The following NXPH2 variants were observed in gnomAD, a reference collection of about 807,000 sequenced individuals.
The protein encoded by NXPH2 is neurexophilin-2.
In NXPH2, 5 loss-of-function variants were observed where a neutral mutation model predicts 19.8. The observed-to-expected ratio is 0.25, with a 90% CI of 0.13 to 0.53. The LOEUF is 0.53. NXPH2 is among the 20% of genes least tolerant of loss of function. NXPH2 has a pLI of 0.96. For synonymous variants in NXPH2, 154 were observed against 127.4 expected, an observed-to-expected ratio of 1.21 and a Z score of -1.41; for missense variants, 289 against 322.8, an observed-to-expected ratio of 0.90 and a Z score of 0.80.
At chr2:138,718,009 C>T (rs1681217956) in intron 1 of NXPH2, among the ~76,000 whole-genome samples, 1 of 150,970 alleles carries the variant, frequency 6.6e-6, no homozygotes, top group African/African-American at 2.4e-5. Flanking sequence ...ACCAAAAATG[C>T]CATAAGAAAT....
chr2:138,778,462 A>G (rs1051095450), intron 1 of NXPH2, among the ~76,000 whole-genome samples: 2 of 152,192 alleles, frequency 1.3e-5, no homozygotes, highest in Non-Finnish European at 2.9e-5. Context: ...GTGGAAAAAA[A>G]AAATATCTAA....
chr2:138,774,085 A>C (rs1682220627), intron 1 of NXPH2, among the ~76,000 whole-genome samples: 1 of 152,218 alleles, frequency 6.6e-6, no homozygotes, highest in Non-Finnish European at 1.5e-5. Flanking sequence ...CACAAAAGTC[A>C]CTTGCTAGTT....
chr2:138,750,491 T>G (rs1397905256), intron 1 of NXPH2, among the ~76,000 whole-genome samples: 1 of 152,184 alleles, frequency 6.6e-6, no homozygotes, highest in East Asian at 1.9e-4. Context: ...TGTAGAGTTA[T>G]AAACATCATC....
intron 1 of NXPH2, among the ~76,000 whole-genome samples, chr2:138,719,971 T>C (rs1293309256): frequency 1.3e-5 from 2 of 152,168 alleles, no homozygotes; most frequent in East Asian, 3.9e-4. Context: ...TTTCAATATA[T>C]GGTACTACAT....
chr2:138,677,914 G>A (rs982010429), intron 1 of NXPH2, among the ~76,000 whole-genome samples: 1 of 152,080 alleles, frequency 6.6e-6, no homozygotes, highest in African/African-American at 2.4e-5. Flanking sequence ...ATCCCCTACC[G>A]TTAACATCTA....
At chr2:138,733,368 G>T (rs1464526778) in intron 1 of NXPH2, among the ~76,000 whole-genome samples, 1 of 152,192 alleles carries the variant, frequency 6.6e-6, no homozygotes, top group Non-Finnish European at 1.5e-5. Context: ...TTTAAACAGG[G>T]GCTGAATGAA....
chr2:138,776,272 G>T (rs566123571), intron 1 of NXPH2, among the ~76,000 whole-genome samples: 1 of 151,958 alleles, frequency 6.6e-6, no homozygotes, highest in South Asian at 2.1e-4. Flanking sequence ...GCCTTATTTA[G>T]CATTACAATT....
chr2:138,755,565 G>T (rs1160603720), intron 1 of NXPH2, among the ~76,000 whole-genome samples: 1 of 152,020 alleles, frequency 6.6e-6, no homozygotes, highest in Non-Finnish European at 1.5e-5. Context: ...ATACCATGGT[G>T]TATTGAATAC....
intron 1 of NXPH2, among the ~76,000 whole-genome samples, chr2:138,712,961 T>C (rs1573963313): frequency 1.3e-5 from 2 of 152,360 alleles, no homozygotes; most frequent in African/African-American, 4.8e-5. Flanking sequence ...TTCTCTCAGC[T>C]ATATCTAACA....
intron 1 of NXPH2, among the ~76,000 whole-genome samples, chr2:138,762,843 A>G (rs1682037271): frequency 6.6e-6 from 1 of 152,222 alleles, no homozygotes; most frequent in Non-Finnish European, 1.5e-5. Flanking sequence ...CTTGCTTAGT[A>G]TAATGAGAAG....
chr2:138,728,064 G>C (rs1681385490), intron 1 of NXPH2, among the ~76,000 whole-genome samples: 1 of 152,082 alleles, frequency 6.6e-6, no homozygotes, highest in South Asian at 2.1e-4. Flanking sequence ...TGAAGCCCTT[G>C]CCTTCAATGT....
intron 1 of NXPH2, among the ~76,000 whole-genome samples, chr2:138,729,426 C>A (rs1178398282): frequency 6.6e-6 from 1 of 152,172 alleles, no homozygotes; most frequent in African/African-American, 2.4e-5. Context: ...GAGGCCTCTC[C>A]AGCCTTATGA....
At chr2:138,738,853 C>A (rs569506648) in intron 1 of NXPH2, among the ~76,000 whole-genome samples, 1 of 152,328 alleles carries the variant, frequency 6.6e-6, no homozygotes, top group African/African-American at 2.4e-5. Flanking sequence ...TGATTGGGAA[C>A]TTTGTCTCTC....
intron 1 of NXPH2, among the ~76,000 whole-genome samples, chr2:138,689,542 G>A (rs1410509538): frequency 6.6e-6 from 1 of 152,154 alleles, no homozygotes; most frequent in Admixed American, 6.5e-5. Flanking sequence ...CCATGTTGAG[G>A]TAAAGTACCA....
intron 1 of NXPH2, among the ~76,000 whole-genome samples, chr2:138,694,224 C>T (rs770739827): frequency 6.6e-6 from 1 of 152,194 alleles, no homozygotes; most frequent in Admixed American, 6.5e-5. Context: ...TGGTTTGATG[C>T]CTCCCAACTG....
chr2:138,701,222 C>T (rs771153982), intron 1 of NXPH2, among the ~76,000 whole-genome samples: 6 of 152,030 alleles, frequency 3.9e-5, no homozygotes, highest in Non-Finnish European at 7.3e-5. Context: ...TGGGTTATAC[C>T]TTGTTTTACG....
chr2:138,741,702 T>C (rs1428290878), intron 1 of NXPH2, among the ~76,000 whole-genome samples: 3 of 152,196 alleles, frequency 2.0e-5, no homozygotes, highest in Non-Finnish European at 4.4e-5. Flanking sequence ...GCAAGGTACT[T>C]AGTGGATTAC....
intron 1 of NXPH2, among the ~76,000 whole-genome samples, chr2:138,715,842 C>T (rs1681188906): frequency 6.6e-6 from 1 of 152,182 alleles, no homozygotes; most frequent in African/African-American, 2.4e-5. Context: ...TCAGCCACCT[C>T]TTCAACAGAG....
intron 1 of NXPH2, among the ~76,000 whole-genome samples, chr2:138,733,084 A>T (rs1278063734): frequency 6.6e-6 from 1 of 152,182 alleles, no homozygotes; most frequent in East Asian, 1.9e-4. Context: ...TGAACACTTG[A>T]GAAAAGTGAA....
Sources: allele counts gnomAD v4.1 joint callset (sites outside exome capture counted in the v4.1 genomes callset), GRCh38; gene constraint gnomAD v4.1.1; transcripts MANE v1.5; gene names NCBI Gene and HGNC (gene_info 2026-07-23, HGNC 2026-07-21).